PCDH9: variants seen among roughly 807,000 people sequenced by gnomAD.
PCDH9 encodes the protein protocadherin-9.
Under a neutral mutation model 70.6 loss-of-function variants are expected in PCDH9, and 24 were observed. The observed-to-expected ratio is 0.34, with a 90% CI of 0.25 to 0.48. The LOEUF (loss-of-function observed/expected upper bound fraction) is 0.48. PCDH9 is among the 20% of genes least tolerant of loss of function. PCDH9 has a pLI of 0.99. For synonymous variants in PCDH9, 562 were observed against 558.5 expected, an observed-to-expected ratio of 1.01 and a Z score of -0.09; for missense variants, 1,281 against 1,503.6, an observed-to-expected ratio of 0.85 and a Z score of 2.45.
intron 4 of PCDH9, among the ~76,000 whole-genome samples, chr13:66,593,946 T>C (rs952073543): frequency 1.3e-5 from 2 of 151,382 alleles, no homozygotes; most frequent in African/African-American, 4.8e-5. Context: ...AGTTTTTTTA[T>C]AGTCTTTAAT....
At chr13:66,874,763 T>G (rs2081766988) in intron 3 of PCDH9, among the ~76,000 whole-genome samples, 1 of 152,182 alleles carries the variant, frequency 6.6e-6, no homozygotes, top group African/African-American at 2.4e-5. Flanking sequence ...GCATTTCAGC[T>G]GGGCATCTGA....
At chr13:66,798,261 A>G (rs909701475) in intron 3 of PCDH9, among the ~76,000 whole-genome samples, 1 of 152,184 alleles carries the variant, frequency 6.6e-6, no homozygotes, top group East Asian at 1.9e-4. Context: ...CCTTCTAATA[A>G]TTTTTGAACA....
chr13:66,691,291 A>G (rs1293523397), intron 3 of PCDH9, among the ~76,000 whole-genome samples: 1 of 152,024 alleles, frequency 6.6e-6, no homozygotes, highest in Non-Finnish European at 1.5e-5. Flanking sequence ...TCCTGCCTTG[A>G]ACTCCCAAAG....
intron 3 of PCDH9, among the ~76,000 whole-genome samples, chr13:66,677,258 A>G (rs2078256437): frequency 6.6e-6 from 1 of 152,164 alleles, no homozygotes; most frequent in Non-Finnish European, 1.5e-5. Context: ...AAATGAGAAG[A>G]AATGCATGTC....
intron 4 of PCDH9, among the ~76,000 whole-genome samples, chr13:66,522,175 C>T (rs1323597429): frequency 6.6e-6 from 1 of 150,898 alleles, no homozygotes; most frequent in Non-Finnish European, 1.5e-5. Flanking sequence ...TGTAGAAAAC[C>T]CTTCCATAGC....
At chr13:66,706,212 G>A (rs1286983017) in intron 3 of PCDH9, among the ~76,000 whole-genome samples, 1 of 152,148 alleles carries the variant, frequency 6.6e-6, no homozygotes, top group Admixed American at 6.5e-5. Flanking sequence ...AAACTTAGCG[G>A]CATCATTATT....
intron 3 of PCDH9, among the ~76,000 whole-genome samples, chr13:66,682,323 A>T (rs2078334988): frequency 6.6e-6 from 1 of 151,802 alleles, no homozygotes; most frequent in Admixed American, 6.6e-5. Context: ...TGAATGCGTG[A>T]CCTATCGCTA....
At chr13:66,839,900 T>C (rs1263435376) in intron 3 of PCDH9, among the ~76,000 whole-genome samples, 1 of 152,236 alleles carries the variant, frequency 6.6e-6, no homozygotes, top group East Asian at 1.9e-4. Context: ...GAAGTAGCCA[T>C]TCATCATATT....
chr13:66,375,125 T>C (rs1956725184), intron 4 of PCDH9, among the ~76,000 whole-genome samples: 1 of 152,122 alleles, frequency 6.6e-6, no homozygotes, highest in Non-Finnish European at 1.5e-5. Flanking sequence ...TCATTGCCAA[T>C]AGTATAGTTA....
intron 2 of PCDH9, chr13:67,208,469 T>A (rs999266861): frequency 2.6e-5 from 4 of 152,162 alleles, no homozygotes; most frequent in African/African-American, 9.7e-5. Flanking sequence ...AATATTTATG[T>A]CACTTTTTTC....
chr13:67,144,940 T>C (rs2087484959), intron 2 of PCDH9, among the ~76,000 whole-genome samples: 1 of 152,118 alleles, frequency 6.6e-6, no homozygotes, highest in African/African-American at 2.4e-5. Flanking sequence ...ACCCCCTTAA[T>C]TCCTACAATA....
chr13:66,843,322 AAAG>A (rs1447785361), intron 3 of PCDH9, among the ~76,000 whole-genome samples: 8 of 150,934 alleles, frequency 5.3e-5, no homozygotes, highest in Non-Finnish European at 1.2e-4. Context: ...TAGGTCTATT[AAAG>A]AAGTATTCAG....
chr13:66,944,817 C>CG, intron 2 of PCDH9, among the ~76,000 whole-genome samples: 1 of 135,450 alleles, frequency 7.4e-6, no homozygotes, highest in African/African-American at 2.8e-5. Flanking sequence ...CTAATCGTCT[C>CG]TGTGTGTGTG....
chr13:66,712,971 C>T (rs2078815823), intron 3 of PCDH9, among the ~76,000 whole-genome samples: 1 of 152,140 alleles, frequency 6.6e-6, no homozygotes. Flanking sequence ...ACAACTTGAG[C>T]TTAAATTTTG....
intron 4 of PCDH9, among the ~76,000 whole-genome samples, chr13:66,433,813 T>A (rs192024392): frequency 1.3e-5 from 2 of 151,998 alleles, no homozygotes; most frequent in Admixed American, 1.3e-4. Flanking sequence ...TATATTTTTA[T>A]AAATATAATA....
intron 4 of PCDH9, among the ~76,000 whole-genome samples, chr13:66,481,268 C>T (rs904090105): frequency 2.0e-5 from 2 of 101,126 alleles, no homozygotes; most frequent in South Asian, 3.3e-4. Flanking sequence ...CAAACTTGCA[C>T]GTTCTGTACA....
intron 2 of PCDH9, among the ~76,000 whole-genome samples, chr13:67,051,093 T>C (rs1170047262): frequency 6.6e-6 from 1 of 152,174 alleles, no homozygotes; most frequent in Admixed American, 6.5e-5. Flanking sequence ...CAGACTCTGC[T>C]CAGCTAATGT....
At chr13:66,355,635 T>C (rs1439163747) in intron 4 of PCDH9, among the ~76,000 whole-genome samples, 2 of 152,206 alleles carry the variant, frequency 1.3e-5, no homozygotes, top group East Asian at 3.9e-4. Context: ...CTGTTGGCCA[T>C]TGAGTTTAAT....
At chr13:66,707,580 A>G (rs972742388) in intron 3 of PCDH9, among the ~76,000 whole-genome samples, 1 of 152,226 alleles carries the variant, frequency 6.6e-6, no homozygotes, top group Non-Finnish European at 1.5e-5. Flanking sequence ...AACTGGGATA[A>G]TAAACATTAA....
Sources: gnomAD v4.1 joint callset for allele counts (sites outside exome capture counted in the v4.1 genomes callset) on GRCh38, gnomAD v4.1.1 for gene constraint, MANE v1.5 for transcripts, NCBI Gene and HGNC (gene_info 2026-07-23, HGNC 2026-07-21) for gene names.